The following GDF10 variants were observed in gnomAD, a reference collection of about 807,000 sequenced individuals.
GDF10 encodes growth/differentiation factor 10.
GDF10 carries 23 observed loss-of-function variants against 32.1 expected under a neutral mutation model. The observed-to-expected ratio is 0.72, with a 90% confidence interval of 0.52 to 1.02. GDF10 has a LOEUF of 1.02. GDF10 is among the 50% of genes least tolerant of loss of function. GDF10 has a pLI of 0.00. For synonymous variants in GDF10, 328 were observed against 303.1 expected, an observed-to-expected ratio of 1.08 and a Z score of -0.85; for missense variants, 764 against 673.9, an observed-to-expected ratio of 1.13 and a Z score of -1.48.
rs141045728 is a variant in GDF10, at chr10:47,312,432, G to C, written c.1246-169G>C. Among the ~76,000 whole-genome samples, 5 of 152,336 alleles carry C rather than the reference G, an allele frequency of 3.3e-5. No individual in the cohort carries two copies. In the East Asian group the frequency reaches 7.7e-4, roughly 23 times the overall value. ...GCGTATGTCTGATTTTAGAGGAACC[G>C]TGTGCCCCGCCTTGGGATCTCGTCC... is the stretch of plus-strand genomic sequence containing the variant. On this transcript the variant is annotated intron_variant, in intron 2 of 2. Transcript: ENST00000580279.
At chr10:47,302,026 C>T (rs2061006606) in intron 1 of GDF10, among the ~76,000 whole-genome samples, 1 of 152,216 alleles carries the variant, frequency 6.6e-6, no homozygotes, top group African/African-American at 2.4e-5. Flanking sequence ...CCATGCCCTC[C>T]TCCTCCACTT....
rs1264088709 is a variant in GDF10, at chr10:47,300,926, G to A, written c.275G>A (p.Arg92Gln). 3 of 1,545,918 alleles carry A rather than the reference G, an allele frequency of 1.9e-6. No homozygotes were observed. The highest frequency in any genetic ancestry group is 1.8e-5 in the Admixed American group (1 of 54,464). The change falls in exon 1 of 3, where the codon CGG (arginine) becomes CAG (glutamine). Residue 92 changes from arginine to glutamine, a missense_variant. Arg to Gln is a conservative substitution (Grantham distance 43). Coordinates refer to ENST00000580279, the MANE Select transcript of GDF10 (RefSeq NM_004962.5). Reference protein sequence around the residue: ...LYEKYSRQGARPGGGNTVRSF... With the variant: ...LYEKYSRQGAQPGGGNTVRSF... ...GAGAAGTACAGCCGGCAGGGCGCGCGGCCGGGAGGGGGCAACACGGTCCGC... is the reference window on the plus strand; with the variant it reads ...GAGAAGTACAGCCGGCAGGGCGCGCAGCCGGGAGGGGGCAACACGGTCCGC...
intron 1 of GDF10, among the ~76,000 whole-genome samples, chr10:47,305,359 CTG>C (rs1361126705): frequency 2.0e-5 from 3 of 152,230 alleles, no homozygotes; most frequent in African/African-American, 7.2e-5. Flanking sequence ...AATGAGGAAA[CTG>C]AGGCACAAAG....
At chr10:47,308,776 G>A (rs566106866) in intron 1 of GDF10, among the ~76,000 whole-genome samples, 14 of 152,196 alleles carry the variant, frequency 9.2e-5, no homozygotes, top group African/African-American at 3.4e-4. Context: ...GTTAGTGTGC[G>A]GCATCCTAGG....
At position 47,300,808 on chromosome 10, in the gene GDF10, G is replaced by A. The variant is rs782309157; in HGVS notation, c.157G>A (p.Asp53Asn). ...CGCGGCCGCCGACGGCCTGCAGGGG[G>A]ACAGGGATCTCCAGCGGCACCCTGG... ...LPAAADGLQG[D>N]RDLQRHPGDA... Residue 53 changes from aspartate to asparagine, a missense_variant, in exon 1 of 3, where the codon GAC becomes AAC. By Grantham distance (23) the Asp-to-Asn change is conservative. Transcript: ENST00000580279. 6 of 1,571,176 alleles carry A rather than the reference G, an allele frequency of 3.8e-6. No individual in the cohort carries two copies. The Admixed American group carries it at 7.1e-5, about 19-fold the overall frequency.
At position 47,310,095 on chromosome 10, in the gene GDF10, T is replaced by A; in HGVS notation, c.619T>A (p.Ser207Thr). 6.8e-6 allele frequency: 11 copies of A among 1,608,064 alleles called. No individual in the cohort carries two copies. The highest frequency in any genetic ancestry group is 9.3e-6 in the Non-Finnish European group (11 of 1,178,680). ...CGGCCTGTGGCAGGCCAAGGACATC[T>A]CCCCCATCGTCAAGGCGGCCCGCCG... ...PRGLWQAKDI[S>T]PIVKAARRDG... The change falls in exon 2 of 3, where the codon TCC becomes ACC. Residue 207 changes from serine to threonine, a missense_variant. Ser to Thr is a moderately conservative substitution (Grantham distance 58, BLOSUM62 1). Transcript: ENST00000580279.
At chr10:47,304,428 AAAAAGAG>A (rs2061015797) in intron 1 of GDF10, among the ~76,000 whole-genome samples, 2 of 152,118 alleles carry the variant, frequency 1.3e-5, no homozygotes, top group South Asian at 2.1e-4. Context: ...GACTGCAGGG[AAAAAGAG>A]GGATAAAGGA....
intron 1 of GDF10, 35 bp from the exon 2 acceptor site, chr10:47,309,761 A>T: frequency 1.4e-6 from 2 of 1,478,036 alleles, no homozygotes; most frequent in Non-Finnish European, 1.9e-6. Flanking sequence ...CACGAGCGAG[A>T]ACTTCACAGC....
chr10:47,303,448 A>G lies in GDF10; in HGVS notation c.319+2478A>G, dbSNP rs115048785. On this transcript the variant is annotated intron_variant, in intron 1 of 2. Coordinates refer to ENST00000580279, the MANE Select transcript of GDF10 (RefSeq NM_004962.5). ...TCTGGGCAAGGGACTGAACTTGTCC[A>G]TGACTCAGTTTTTTTCACTTCTAAA... is the stretch of plus-strand genomic sequence containing the variant. 9.0e-4 allele frequency among the ~76,000 whole-genome samples: 137 copies of G among 152,310 alleles called. 1 individual carries two copies. Among genetic ancestry groups the G allele is most frequent in the African/African-American group, 3.1e-3 (130 of 41,574 alleles).
In GDF10 at chr10:47,310,522, T is replaced by C. The variant is rs1555207649; in HGVS notation, c.1046T>C (p.Met349Thr). Residue 349 changes from methionine to threonine, a missense_variant, in exon 2 of 3, where the codon ATG (methionine) becomes ACG (threonine). Transcript: ENST00000580279. ...DRRKKGQEVF[M>T]AASQVLDFDE... ...AGGAAGAAGGGCCAGGAGGTGTTCATGGCCGCCTCGCAGGTGCTGGACTTT... is the reference window on the plus strand; with the variant it reads ...AGGAAGAAGGGCCAGGAGGTGTTCACGGCCGCCTCGCAGGTGCTGGACTTT... 2.5e-6 allele frequency: 4 copies of C among 1,613,874 alleles called. No homozygotes were observed. Among genetic ancestry groups the C allele is most frequent in the Non-Finnish European group, 3.4e-6 (4 of 1,179,760 alleles).
chr10:47,304,870 T>C (rs888141318), intron 1 of GDF10, among the ~76,000 whole-genome samples: 9 of 152,158 alleles, frequency 5.9e-5, no homozygotes, highest in Non-Finnish European at 1.0e-4. Flanking sequence ...TGTATGGGAG[T>C]CCCTCCTTTG....
In GDF10 at chr10:47,309,952, G is replaced by GCCGC; in HGVS notation, c.481_484dup (p.Leu162ProfsTer68). 1 of 1,612,302 alleles carries GCCGC rather than the reference G, an allele frequency of 6.2e-7. No individual in the cohort carries two copies. Among genetic ancestry groups the GCCGC allele is most frequent in the Non-Finnish European group, 8.5e-7 (1 of 1,179,496 alleles). On this transcript the variant is annotated frameshift_variant, in exon 2 of 3. Coordinates refer to ENST00000580279, the MANE Select transcript of GDF10 (RefSeq NM_004962.5). LOFTEE classifies it high-confidence loss of function. The stretch of plus-strand genomic sequence containing the variant: ...AAGCCGCGGGCCAAGAACGCTTCAG[G>GCCGC]CCGCCCGCTGCCCCTGGGCCCGCCC...
In GDF10 at chr10:47,310,106, C is replaced by A; in HGVS notation, c.630C>A (p.Val210=). 6.2e-7 allele frequency: 1 copy of A among 1,609,366 alleles called. No individual in the cohort carries two copies. The highest frequency in any genetic ancestry group is 8.5e-7 in the Non-Finnish European group (1 of 1,179,042). Residue 210 remains valine, a synonymous_variant, in exon 2 of 3, where the codon GTC becomes GTA. Transcript: ENST00000580279. ...AGGCCAAGGACATCTCCCCCATCGT[C>A]AAGGCGGCCCGCCGGGATGGCGAGC... The part of the protein sequence containing the change: ...LWQAKDISPI[V]KAARRDGELL...
chr10:47,308,124 C>T (rs1378580601), intron 1 of GDF10, among the ~76,000 whole-genome samples: 1 of 152,198 alleles, frequency 6.6e-6, no homozygotes, highest in Non-Finnish European at 1.5e-5. Context: ...CATCGGTCAA[C>T]CCCAGATGCT....
At chr10:47,305,519 C>T (rs1299244927) in intron 1 of GDF10, among the ~76,000 whole-genome samples, 6 of 152,204 alleles carry the variant, frequency 3.9e-5, no homozygotes, top group Admixed American at 1.3e-4. Context: ...TCTGGCCCAC[C>T]GCCCCTTCCT....
At chr10:47,305,540 T>C (rs1428984355) in intron 1 of GDF10, among the ~76,000 whole-genome samples, 5 of 152,234 alleles carry the variant, frequency 3.3e-5, no homozygotes, top group Admixed American at 3.3e-4. Context: ...CCAGCTTCTG[T>C]TGGTGCATGC....
rs2061002095 is a variant in GDF10, at chr10:47,300,847, A to G, written c.196A>G (p.Thr66Ala). The change falls in exon 1 of 3, where the codon ACG (threonine) becomes GCG (alanine). Residue 66 changes from threonine to alanine, a missense_variant. Thr to Ala is a moderately conservative substitution (Grantham distance 58). Transcript: ENST00000580279. ...GCGGCACCCTGGGGACGCGGCCGCCACGTTGGGCCCCAGCGCCCAGGACAT... is the reference window on the plus strand; with the variant it reads ...GCGGCACCCTGGGGACGCGGCCGCCGCGTTGGGCCCCAGCGCCCAGGACAT... ...LQRHPGDAAATLGPSAQDMVA... is the reference protein window; with the variant it reads ...LQRHPGDAAAALGPSAQDMVA... The G allele has an allele frequency of 7.0e-6, 11 of 1,582,428 alleles. No individual in the cohort carries two copies. Among genetic ancestry groups the G allele is most frequent in the Non-Finnish European group, 9.4e-6 (11 of 1,171,842 alleles).
At chr10:47,310,753 A>G in intron 2 of GDF10, 32 bp downstream of exon 2, 1 of 1,471,856 alleles carries the variant, frequency 6.8e-7, no homozygotes, top group East Asian at 2.3e-5. Flanking sequence ...GCCAAATTCT[A>G]AGGCTCAGCT....
chr10:47,304,650 T>C (rs1361510463), intron 1 of GDF10, among the ~76,000 whole-genome samples: 1 of 152,214 alleles, frequency 6.6e-6, no homozygotes, highest in African/African-American at 2.4e-5. Flanking sequence ...TTTACCCTTA[T>C]ATGTAAGATA....
Sources: gnomAD v4.1 joint callset for allele counts (sites outside exome capture counted in the v4.1 genomes callset) on GRCh38, gnomAD v4.1.1 for gene constraint, MANE v1.5 for transcripts, NCBI Gene and HGNC (gene_info 2026-07-23, HGNC 2026-07-21) for gene names.